KCNAB2: variants seen among roughly 807,000 people sequenced by gnomAD.
The protein encoded by KCNAB2 is potassium voltage-gated channel subfamily A regulatory beta subunit 2, also known as voltage-gated potassium channel subunit beta-2.
Under a neutral mutation model 63.6 loss-of-function variants are expected in KCNAB2, and 29 were observed. The ratio of observed to expected loss-of-function variants is 0.46; its 90% CI spans 0.34 to 0.62. KCNAB2 has a LOEUF of 0.62. Among genes scored for constraint, KCNAB2 ranks in the 20% least tolerant of loss-of-function variants. The pLI, the probability that KCNAB2 is intolerant of heterozygous loss-of-function variation, is 0.01. For missense variants in KCNAB2, 359 were observed against 563.9 expected (o/e 0.64, Z 3.68); for synonymous variants, 222 against 224.2 (o/e 0.99, Z 0.09).
chr1:6,025,072 C>A (rs1659058128), intron 1 of KCNAB2, among the ~76,000 whole-genome samples: 1 of 152,190 alleles, frequency 6.6e-6, no homozygotes, highest in African/African-American at 2.4e-5. Context: ...TCCTCCTTCT[C>A]CCTTCTCCCT....
At chr1:6,049,709 T>C (rs1242974177) in intron 1 of KCNAB2, among the ~76,000 whole-genome samples, 1 of 152,232 alleles carries the variant, frequency 6.6e-6, no homozygotes, top group East Asian at 1.9e-4. Context: ...GGTCTCTCTT[T>C]AGCTCTTCTC....
Position 6,095,340 on chromosome 1 carries a change from C to T in KCNAB2, c.750C>T (p.Ala250=). The part of the protein sequence containing the change: ...SMEIMEAYSV[A]RQFNLTPPIC... ...CTTCACAGGAGGCCTACTCCGTGGCCCGGCAGTTCAACCTGACCCCGCCCA... is the reference window on the plus strand; with the variant it reads ...CTTCACAGGAGGCCTACTCCGTGGCTCGGCAGTTCAACCTGACCCCGCCCA... The change falls in exon 12 of 16, where the codon GCC becomes GCT. Residue 250 remains alanine, a synonymous_variant. Transcript: ENST00000378083. 2 of 1,612,808 alleles carry T rather than the reference C, an allele frequency of 1.2e-6. No homozygotes were observed. The highest frequency in any genetic ancestry group is 1.7e-6 in the Non-Finnish European group (2 of 1,179,982).
At chr1:5,995,448 A>G (rs1222379503) in intron 1 of KCNAB2, among the ~76,000 whole-genome samples, 8 of 152,236 alleles carry the variant, frequency 5.3e-5, no homozygotes, top group African/African-American at 1.9e-4. Flanking sequence ...CTGTCCCTTC[A>G]GAAGGCCACT....
chr1:6,033,350 T>TGC (rs1659786230), upstream of KCNAB2, among the ~76,000 whole-genome samples: 1 of 150,784 alleles, frequency 6.6e-6, no homozygotes, highest in Admixed American at 6.7e-5. Flanking sequence ...TGTGTGTGTG[T>TGC]GCGTGTGGGT....
At chr1:6,049,653 G>C (rs987922004) in intron 1 of KCNAB2, among the ~76,000 whole-genome samples, 1 of 152,224 alleles carries the variant, frequency 6.6e-6, no homozygotes, top group Non-Finnish European at 1.5e-5. Flanking sequence ...TGTGGACACT[G>C]CTACCCAGCT....
At chr1:6,040,053 C>A (rs1660369430) in intron 1 of KCNAB2, among the ~76,000 whole-genome samples, 1 of 152,192 alleles carries the variant, frequency 6.6e-6, no homozygotes, top group African/African-American at 2.4e-5. Context: ...AATGGCAGCA[C>A]CAGGAAGCTG....
intron 1 of KCNAB2, among the ~76,000 whole-genome samples, chr1:6,047,914 G>A (rs755019422): frequency 3.3e-5 from 5 of 152,230 alleles, no homozygotes; most frequent in Admixed American, 1.3e-4. Context: ...GGACAAGCTC[G>A]TAGCAAGAGG....
intron 5 of KCNAB2, among the ~76,000 whole-genome samples, chr1:6,082,914 G>T (rs956812328): frequency 2.0e-5 from 3 of 152,220 alleles, no homozygotes; most frequent in South Asian, 2.1e-4. Context: ...CGGGCAGGCT[G>T]CAGGCCTGGG....
chr1:6,075,319 C>A (rs192254190), intron 4 of KCNAB2, among the ~76,000 whole-genome samples: 87 of 152,364 alleles, frequency 5.7e-4, no homozygotes, highest in Non-Finnish European at 5.9e-4. Flanking sequence ...TTTTCACCAG[C>A]AAACCAGGCA....
intron 2 of KCNAB2, among the ~76,000 whole-genome samples, chr1:6,055,286 A>C (rs1196338922): frequency 6.6e-6 from 1 of 151,328 alleles, no homozygotes; most frequent in Non-Finnish European, 1.5e-5. Context: ...TGCAGGTCCC[A>C]CTGTGGGGCT....
chr1:6,059,745 G>T (rs3789552), intron 2 of KCNAB2, among the ~76,000 whole-genome samples: 1 of 152,062 alleles, frequency 6.6e-6, no homozygotes, highest in African/African-American at 2.4e-5. Flanking sequence ...TCTCACAGCC[G>T]CGGGCCTCTC....
chr1:6,015,189 G>A (rs1025927281), intron 1 of KCNAB2, among the ~76,000 whole-genome samples: 1 of 151,900 alleles, frequency 6.6e-6, no homozygotes, highest in African/African-American at 2.4e-5. Context: ...CCGCCACCAT[G>A]CCCAGCTACT....
chr1:6,055,209 G>A (rs1233255697), intron 2 of KCNAB2, among the ~76,000 whole-genome samples: 1 of 152,186 alleles, frequency 6.6e-6, no homozygotes, highest in Non-Finnish European at 1.5e-5. Context: ...ACTAACACAG[G>A]TGGAGAGAAC....
chr1:6,029,281 C>CAAA (rs756374657), intron 1 of KCNAB2, among the ~76,000 whole-genome samples: 5 of 62,676 alleles, frequency 8.0e-5, no homozygotes, highest in Admixed American at 1.8e-4. Flanking sequence ...GACTCCATCT[C>CAAA]AAAAAAAAAA....
chr1:6,082,187 C>G lies in KCNAB2; in HGVS notation c.301-8C>G. ...GCTGGCAGGACAGTGTCGGTTTTCT[C>G]GTTTCAGATGGCAGAGCAGCTCATG... On this transcript the variant is annotated splice_polypyrimidine_tract_variant and splice_region_variant and intron_variant, in intron 4 of 15. Transcript: ENST00000378083. The G allele has an allele frequency of 6.2e-7, 1 of 1,612,742 alleles. No individual in the cohort carries two copies.
chr1:6,034,652 C>T (rs1166463974), exon 1 of KCNAB2: 1 of 152,358 alleles, frequency 6.6e-6, no homozygotes, highest in Non-Finnish European at 1.5e-5. Flanking sequence ...ATTGCACCCT[C>T]CGGAGAAAGC....
At position 6,096,774 on chromosome 1, in the gene KCNAB2, A is replaced by G; in HGVS notation, c.1069+18A>G. On this transcript the variant is annotated intron_variant, in intron 14 of 15. Coordinates refer to ENST00000378083, the MANE Select transcript of KCNAB2 (RefSeq NM_001199862.2). This position sits in a 1 kb window ranked among gnomAD's most constrained non-coding sequence, Gnocchi z 5.9. ...GGCCATAGGTAACGGTGGGGTCGCC[A>G]TGGGGCCAGTGCCCCTGGGGAGAAC... The G allele has an allele frequency of 6.4e-7, 1 of 1,556,732 alleles. No homozygotes were observed. Among genetic ancestry groups the G allele is most frequent in the South Asian group, 1.2e-5 (1 of 84,946 alleles).
intron 1 of KCNAB2, among the ~76,000 whole-genome samples, chr1:6,049,602 G>A (rs1291009100): frequency 6.6e-6 from 1 of 152,216 alleles, no homozygotes; most frequent in African/African-American, 2.4e-5. Flanking sequence ...TTTAGGGAGG[G>A]GGCCATCCAG....
In KCNAB2 at chr1:6,078,811, T is replaced by C. The variant is rs944995741; in HGVS notation, c.301-3384T>C. ...CATGTACTCGGAAGGCACATCCTGA[T>C]GTGGCAGGGCTGTCGTGGAGCCTGG... On this transcript the variant is annotated intron_variant, in intron 4 of 15. Transcript: ENST00000378083. This position sits in a 1 kb window ranked among gnomAD's most constrained non-coding sequence, Gnocchi z 4.2. Among the ~76,000 whole-genome samples, 1 of 151,250 alleles carries C rather than the reference T, an allele frequency of 6.6e-6. No homozygotes were observed. Among genetic ancestry groups the C allele is most frequent in the African/African-American group, 2.5e-5 (1 of 40,510 alleles).
Sources: gnomAD v4.1 joint callset for allele counts (sites outside exome capture counted in the v4.1 genomes callset) on GRCh38, gnomAD v4.1.1 for gene constraint, Gnocchi (gnomAD v3.1) non-coding constraint, MANE v1.5 for transcripts, NCBI Gene and HGNC (gene_info 2026-07-23, HGNC 2026-07-21) for gene names.